EFCAB8: variants seen among roughly 807,000 people sequenced by gnomAD.
EFCAB8 encodes the protein EF-hand calcium binding domain 8.
EFCAB8 carries 100 observed loss-of-function variants against 116.3 expected under a neutral mutation model. The ratio of observed to expected loss-of-function variants is 0.86; its 90% CI spans 0.73 to 1.02. EFCAB8 has a LOEUF of 1.02. EFCAB8 is among the 50% of genes least tolerant of loss of function. EFCAB8 has a pLI of 0.00. For missense variants in EFCAB8, 1,320 were observed against 1,416.9 expected (o/e 0.93, Z 1.10); for synonymous variants, 558 against 567.9 (o/e 0.98, Z 0.25).
At chr20:32,942,464 A>G (rs952182766) in intron 22 of EFCAB8, among the ~76,000 whole-genome samples, 1 of 151,952 alleles carries the variant, frequency 6.6e-6, no homozygotes, top group Non-Finnish European at 1.5e-5. Context: ...AGGTGGGCAG[A>G]TTGCTTGAGC....
intron 23 of EFCAB8, among the ~76,000 whole-genome samples, chr20:32,955,090 G>A (rs1988921848): frequency 6.6e-6 from 1 of 152,146 alleles, no homozygotes; most frequent in South Asian, 2.1e-4. Context: ...CTAAAAAAAT[G>A]CAGCATTTTT....
Position 32,918,447 on chromosome 20 carries a change from C to A in EFCAB8, c.2147C>A (p.Ser716Tyr). ...VEREKWTYKT[S>Y]RKLSSLSPES... ...CGGGAGAAGTGGACATACAAGACCTCCAGGAAGCTCTCCAGTCTCAGCCCC... is the reference window on the plus strand; with the variant it reads ...CGGGAGAAGTGGACATACAAGACCTACAGGAAGCTCTCCAGTCTCAGCCCC... Residue 716 changes from serine to tyrosine, a missense_variant, in exon 19 of 27, where the codon TCC (serine) becomes TAC (tyrosine). Ser to Tyr is a moderately radical substitution (Grantham distance 144). Transcript: ENST00000400522. 1.3e-6 allele frequency: 2 copies of A among 1,551,736 alleles called. No homozygotes were observed. The highest frequency in any genetic ancestry group is 1.7e-6 in the Non-Finnish European group (2 of 1,146,992).
At chr20:32,953,547 G>C (rs1469968944) in intron 23 of EFCAB8, among the ~76,000 whole-genome samples, 4 of 152,112 alleles carry the variant, frequency 2.6e-5, no homozygotes. Flanking sequence ...TGATGTTGTG[G>C]TTTTGATCTG....
chr20:32,903,295 G>A (rs1047460058), intron 11 of EFCAB8, among the ~76,000 whole-genome samples: 3 of 152,124 alleles, frequency 2.0e-5, no homozygotes, highest in Non-Finnish European at 4.4e-5. Context: ...TCAGGTCTCC[G>A]CTGCCCTGGA....
intron 23 of EFCAB8, among the ~76,000 whole-genome samples, chr20:32,944,989 T>G (rs1373555105): frequency 6.6e-6 from 1 of 151,258 alleles, no homozygotes; most frequent in Non-Finnish European, 1.5e-5. Flanking sequence ...CATAAATCCC[T>G]TAAGTTTTCT....
chr20:32,960,594 A>G (rs569797294), intron 26 of EFCAB8, among the ~76,000 whole-genome samples: 8 of 152,368 alleles, frequency 5.3e-5, no homozygotes, highest in Non-Finnish European at 1.0e-4. Context: ...GTGGCTCTCC[A>G]TCAGGGACAG....
At chr20:32,933,835 A>C (rs1471336538) in intron 22 of EFCAB8, among the ~76,000 whole-genome samples, 1 of 152,126 alleles carries the variant, frequency 6.6e-6, no homozygotes, top group Non-Finnish European at 1.5e-5. Context: ...AAAATTAGCC[A>C]GGCATGGTGA....
chr20:32,944,835 A>G (rs1988532056), intron 23 of EFCAB8, among the ~76,000 whole-genome samples: 1 of 152,032 alleles, frequency 6.6e-6, no homozygotes, highest in African/African-American at 2.4e-5. Flanking sequence ...CTTCTTGAAT[A>G]TAGGTTTCTT....
At position 32,938,445 on chromosome 20, in the gene EFCAB8, G is replaced by A. The variant is rs1048303193; in HGVS notation, c.2791-5191G>A. Among the ~76,000 whole-genome samples the A allele has an allele frequency of 1.5e-4, 23 of 149,830 alleles. 3 individuals carry two copies. The highest frequency in any genetic ancestry group is 5.2e-4 in the African/African-American group (21 of 40,386). ...ACCCCAATTTAACATTTTATTGGGAGGTCAGTTAGGCAAGAAAATGAAATA... is the reference window on the plus strand; with the variant it reads ...ACCCCAATTTAACATTTTATTGGGAAGTCAGTTAGGCAAGAAAATGAAATA... On this transcript the variant is annotated intron_variant, in intron 22 of 26. Transcript: ENST00000400522.
chr20:32,934,662 G>T (rs1240248008), intron 22 of EFCAB8, among the ~76,000 whole-genome samples: 1 of 152,118 alleles, frequency 6.6e-6, no homozygotes. Flanking sequence ...AATCGTGGGG[G>T]TGGGTTTTTC....
At chr20:32,959,069 T>C (rs1989060422) in intron 24 of EFCAB8, among the ~76,000 whole-genome samples, 2 of 152,184 alleles carry the variant, frequency 1.3e-5, no homozygotes, top group Admixed American at 1.3e-4. Flanking sequence ...AAGTCTCCAG[T>C]AATTCTGGTT....
rs552878314 is a variant in EFCAB8, at chr20:32,938,045, A to C, written c.2791-5591A>C. Among the ~76,000 whole-genome samples, 3 of 150,198 alleles carry C rather than the reference A, an allele frequency of 2.0e-5. No individual in the cohort carries two copies. The South Asian group carries it at 6.3e-4, about 31-fold the overall frequency. On this transcript the variant is annotated intron_variant, in intron 22 of 26. Coordinates refer to ENST00000400522, the MANE Select transcript of EFCAB8 (RefSeq NM_001143967.2). ...AACTGTAGACCAAATATTTTTATGA[A>C]TATAGATACAAAAATCTTCAAAATA...
chr20:32,911,998 G>C (rs1310517019), intron 16 of EFCAB8, among the ~76,000 whole-genome samples: 1 of 152,164 alleles, frequency 6.6e-6, no homozygotes, highest in Non-Finnish European at 1.5e-5. Context: ...TCTAGCAGTG[G>C]GATCAGTTAA....
chr20:32,919,750 C>T (rs1987360191), intron 19 of EFCAB8, among the ~76,000 whole-genome samples: 1 of 152,160 alleles, frequency 6.6e-6, no homozygotes, highest in Admixed American at 6.6e-5. Flanking sequence ...CTGCCCGCCT[C>T]AGCCTCCCAA....
chr20:32,928,167 T>A (rs1401348993), intron 20 of EFCAB8, among the ~76,000 whole-genome samples: 1 of 152,230 alleles, frequency 6.6e-6, no homozygotes, highest in Non-Finnish European at 1.5e-5. Context: ...GACACTATTG[T>A]CAATGGAATT....
intron 5 of EFCAB8, among the ~76,000 whole-genome samples, chr20:32,879,476 T>C (rs1046495302): frequency 1.1e-4 from 16 of 152,132 alleles, no homozygotes; most frequent in African/African-American, 2.9e-4. Flanking sequence ...CCATCTGAGG[T>C]TCATTGGCAG....
chr20:32,894,075 A>T (rs183868487), intron 9 of EFCAB8, among the ~76,000 whole-genome samples: 5 of 152,264 alleles, frequency 3.3e-5, no homozygotes, highest in Admixed American at 3.3e-4. Flanking sequence ...TCCCCAGAGG[A>T]TACGGCTCAG....
intron 20 of EFCAB8, among the ~76,000 whole-genome samples, chr20:32,926,105 G>A (rs946868422): frequency 6.6e-6 from 1 of 152,176 alleles, no homozygotes; most frequent in Non-Finnish European, 1.5e-5. Flanking sequence ...AGTCCTGGGC[G>A]CTCATTCACC....
intron 3 of EFCAB8, among the ~76,000 whole-genome samples, chr20:32,871,786 G>A (rs895742516): frequency 6.6e-6 from 1 of 152,182 alleles, no homozygotes; most frequent in East Asian, 1.9e-4. Flanking sequence ...GGACATGCCA[G>A]TGTCCTTCTT....
Sources: allele counts gnomAD v4.1 joint callset (sites outside exome capture counted in the v4.1 genomes callset), GRCh38; gene constraint gnomAD v4.1.1; transcripts MANE v1.5; gene names NCBI Gene and HGNC (gene_info 2026-07-23, HGNC 2026-07-21).